The following NOL4 variants were observed in gnomAD, a reference collection of about 807,000 sequenced individuals.
NOL4 encodes the protein nucleolar protein 4.
Under a neutral mutation model 75.9 loss-of-function variants are expected in NOL4, and 17 were observed. The observed-to-expected ratio is 0.22, with a 90% CI of 0.15 to 0.34. NOL4 has a LOEUF of 0.34. Ranked by LOEUF, NOL4 falls within the 10% of genes least tolerant of loss-of-function variation. The pLI is 1.00. For synonymous variants in NOL4, 292 were observed against 289.9 expected (o/e 1.01, Z -0.07); for missense variants, 614 against 793.5 (o/e 0.77, Z 2.72).
At chr18:34,005,717 C>G (rs1443877048) in intron 6 of NOL4, among the ~76,000 whole-genome samples, 3 of 152,062 alleles carry the variant, frequency 2.0e-5, no homozygotes, top group Non-Finnish European at 4.4e-5. Context: ...CATTGCATCA[C>G]TGTAATGCTT....
intron 6 of NOL4, among the ~76,000 whole-genome samples, chr18:33,995,296 A>G (rs1202782668): frequency 6.6e-6 from 1 of 151,650 alleles, no homozygotes; most frequent in Admixed American, 6.6e-5. Context: ...CCAGCTACAG[A>G]CATCACAAAG....
chr18:34,002,766 TACC>T (rs2073805031), intron 6 of NOL4, among the ~76,000 whole-genome samples: 4 of 152,086 alleles, frequency 2.6e-5, no homozygotes, highest in Non-Finnish European at 5.9e-5. Context: ...GCAATACTCA[TACC>T]AATTAAGTCC....
intron 1 of NOL4, among the ~76,000 whole-genome samples, chr18:34,162,245 A>T (rs2031604904): frequency 6.6e-6 from 1 of 152,210 alleles, no homozygotes; most frequent in Non-Finnish European, 1.5e-5. Flanking sequence ...ATCAGAGCAG[A>T]ACTGAAGGAA....
intron 1 of NOL4, among the ~76,000 whole-genome samples, chr18:34,143,382 C>T (rs2081267040): frequency 6.6e-6 from 1 of 152,146 alleles, no homozygotes; most frequent in African/African-American, 2.4e-5. Context: ...CCAATTCTCA[C>T]AGAATACTTT....
At chr18:33,949,083 A>G (rs183147901) in intron 8 of NOL4, among the ~76,000 whole-genome samples, 63 of 152,172 alleles carry the variant, frequency 4.1e-4, no homozygotes, top group African/African-American at 1.1e-3. Flanking sequence ...ATACTGATAT[A>G]TTTTTATTTG....
In NOL4 at chr18:34,126,407, A is replaced by G. The variant is rs893739016; in HGVS notation, c.414+3464T>C. On this transcript the variant is annotated intron_variant, in intron 2 of 10. Transcript: ENST00000261592. ...AATGTAATTATTGGCAGTTATATAT[A>G]TGAGTAATACATATAAGTTTACAAT... is the stretch of plus-strand genomic sequence containing the variant. Among the ~76,000 whole-genome samples the G allele has an allele frequency of 2.6e-4, 39 of 152,282 alleles. 1 individual carries two copies. The highest frequency in any genetic ancestry group is 2.9e-5 in the Non-Finnish European group (2 of 68,006).
chr18:34,019,628 G>T, intron 5 of NOL4, 27 bp from the exon 6 acceptor site: 1 of 1,594,116 alleles, frequency 6.3e-7, no homozygotes, highest in Non-Finnish European at 8.6e-7. Context: ...GTTATATTTT[G>T]ATTTTAATTA....
In NOL4 at chr18:34,159,825, T is replaced by G. The variant is rs183334808; in HGVS notation, c.265-29805A>C. Among the ~76,000 whole-genome samples, 536 of 152,054 alleles carry G rather than the reference T, an allele frequency of 3.5e-3. 5 individuals are homozygous for G. The highest frequency in any genetic ancestry group is 0.012 in the African/African-American group (495 of 41,474). On this transcript the variant is annotated intron_variant, in intron 1 of 10. Coordinates refer to ENST00000261592, the MANE Select transcript of NOL4 (RefSeq NM_003787.5). ...AAGGGTCAGAGGCCTTCAGAAAAGG[T>G]TGCCCGCTCAGACAAGACCAGAGAG...
At chr18:34,185,114 T>A (rs555835872) in intron 1 of NOL4, among the ~76,000 whole-genome samples, 1 of 152,264 alleles carries the variant, frequency 6.6e-6, no homozygotes, top group African/African-American at 2.4e-5. Context: ...TCAGCTTCAC[T>A]TGCCTCCTTA....
intron 2 of NOL4, among the ~76,000 whole-genome samples, chr18:34,107,816 A>G (rs2079380548): frequency 6.6e-6 from 1 of 152,194 alleles, no homozygotes; most frequent in Non-Finnish European, 1.5e-5. Context: ...TCACAGAAAC[A>G]TGAACTTGAA....
chr18:34,148,686 C>T (rs950649763), intron 1 of NOL4, among the ~76,000 whole-genome samples: 1 of 151,830 alleles, frequency 6.6e-6, no homozygotes. Flanking sequence ...AGAATATATT[C>T]TGTTGATTTT....
intron 9 of NOL4, among the ~76,000 whole-genome samples, chr18:33,899,014 C>A (rs780097777): frequency 6.6e-5 from 10 of 152,146 alleles, no homozygotes; most frequent in Non-Finnish European, 1.0e-4. Context: ...AGGTTAAATA[C>A]TTTTGCTTAT....
chr18:33,925,650 A>C (rs1419670391), intron 9 of NOL4, among the ~76,000 whole-genome samples: 2 of 152,192 alleles, frequency 1.3e-5, no homozygotes, highest in African/African-American at 4.8e-5. Flanking sequence ...TAACAGTTGA[A>C]ATTTATGAAG....
rs35997391 is a variant in NOL4 at position 33,955,567 on chromosome 18, T to C, written c.1428+1759A>G. 9.1e-3 allele frequency among the ~76,000 whole-genome samples: 1,386 copies of C among 152,024 alleles called. 11 individuals are homozygous for C. The highest frequency in any genetic ancestry group is 0.015 in the Non-Finnish European group (1,049 of 67,922). ...CAAGATAAATTAAACAGAAAGACAATGGAGAGTTTGGCTCTGAACTCCCTG... is the reference window on the plus strand; with the variant it reads ...CAAGATAAATTAAACAGAAAGACAACGGAGAGTTTGGCTCTGAACTCCCTG... On this transcript the variant is annotated intron_variant, in intron 8 of 10. Transcript: ENST00000261592.
chr18:33,910,865 C>T (rs1359807296), intron 9 of NOL4, among the ~76,000 whole-genome samples: 1 of 152,098 alleles, frequency 6.6e-6, no homozygotes, highest in Non-Finnish European at 1.5e-5. Context: ...TCCATGTTGT[C>T]AAATATATTA....
At chr18:34,059,842 C>T (rs2076998132) in intron 5 of NOL4, among the ~76,000 whole-genome samples, 1 of 152,050 alleles carries the variant, frequency 6.6e-6, no homozygotes, top group African/African-American at 2.4e-5. Context: ...AGGGAGAGGT[C>T]GCATGAAGAG....
intron 9 of NOL4, among the ~76,000 whole-genome samples, chr18:33,915,511 G>C (rs1482590742): frequency 6.6e-6 from 1 of 152,098 alleles, no homozygotes; most frequent in Non-Finnish European, 1.5e-5. Flanking sequence ...CTGGAGGAGA[G>C]AGAGCAGGGA....
chr18:34,187,480 C>A (rs1442446955), intron 1 of NOL4, among the ~76,000 whole-genome samples: 2 of 150,740 alleles, frequency 1.3e-5, no homozygotes, highest in African/African-American at 2.4e-5. Context: ...GGGTTTACGC[C>A]ATTCTCCTGC....
intron 6 of NOL4, 127 bp downstream of exon 6, chr18:34,019,191 G>A: frequency 1.3e-6 from 1 of 748,516 alleles, no homozygotes; most frequent in Non-Finnish European, 2.1e-6. Flanking sequence ...AAGTTTCTTG[G>A]TATCCTCTTA....
Sources: gnomAD v4.1 joint callset for allele counts (sites outside exome capture counted in the v4.1 genomes callset) on GRCh38, gnomAD v4.1.1 for gene constraint, MANE v1.5 for transcripts, NCBI Gene and HGNC (gene_info 2026-07-23, HGNC 2026-07-21) for gene names.